Variants in ZNF670 observed in about 807,000 individuals in gnomAD.
ZNF670 encodes zinc finger protein 670.
ZNF670 carries 7 observed loss-of-function variants against 10.9 expected under a neutral mutation model. The observed-to-expected ratio is 0.64, with a 90% confidence interval of 0.36 to 1.20. The LOEUF is 1.20. Ranked by LOEUF, ZNF670 falls within the 50% of genes most tolerant of loss-of-function variation. The pLI is 0.02. For missense variants in ZNF670, 446 were observed against 458.6 expected (o/e 0.97, Z 0.25); for synonymous variants, 136 against 152.7 (o/e 0.89, Z 0.81).
Position 247,064,077 on chromosome 1 carries a change from G to A in ZNF670, c.3+14517C>T, listed in dbSNP as rs553521099. ...GCCTGGTTCCAATCAGCCCCTCCCC[G>A]TGTTAGGATCCCCATCCTGCACACT... On this transcript the variant is annotated intron_variant, in intron 1 of 3. Transcript: ENST00000366503. Among the ~76,000 whole-genome samples the A allele has an allele frequency of 1.1e-3, 165 of 152,218 alleles. 1 individual carries two copies. Among genetic ancestry groups the A allele is most frequent in the African/African-American group, 3.8e-3 (159 of 41,544 alleles).
chr1:247,072,378 C>T (rs1338105735), intron 1 of ZNF670, among the ~76,000 whole-genome samples: 5 of 149,310 alleles, frequency 3.3e-5, no homozygotes, highest in Admixed American at 6.7e-5. Flanking sequence ...TGGTCTCAAA[C>T]TTCTGAACTC....
At position 247,078,725 on chromosome 1, in the gene ZNF670, C is replaced by T. The variant is rs547380238; in HGVS notation, c.-129G>A. ...AAGGGGAAGGAGCAGCGGAGACGCACCGAGCTCGCCACATTCGCGCTGCCC... is the reference window on the plus strand; with the variant it reads ...AAGGGGAAGGAGCAGCGGAGACGCATCGAGCTCGCCACATTCGCGCTGCCC... On this transcript the variant is annotated 5_prime_UTR_variant, in exon 1 of 4. It adds an upstream start codon to the 5' untranslated region. Coordinates refer to ENST00000366503, the MANE Select transcript of ZNF670 (RefSeq NM_033213.5). 4.5e-4 allele frequency: 462 copies of T among 1,017,846 alleles called. 3 individuals carry two copies. The Middle Eastern group carries it at 0.02, about 43-fold the overall frequency. The allele number at this position is 1,017,846 out of a possible 1,614,324, so 63.1% of individuals were successfully genotyped here.
intron 1 of ZNF670, among the ~76,000 whole-genome samples, chr1:247,057,241 T>C (rs1373404397): frequency 6.6e-6 from 1 of 152,112 alleles, no homozygotes; most frequent in Non-Finnish European, 1.5e-5. Flanking sequence ...TAAACAGGTA[T>C]ATGAAAAGAT....
chr1:247,071,842 A>C (rs1671121792), intron 1 of ZNF670, among the ~76,000 whole-genome samples: 2 of 151,010 alleles, frequency 1.3e-5, no homozygotes, highest in African/African-American at 4.9e-5. Flanking sequence ...ATTTCCTTTC[A>C]CAGTTTTATT....
At chr1:247,061,243 G>A (rs374963085) in intron 1 of ZNF670, among the ~76,000 whole-genome samples, 15 of 150,562 alleles carry the variant, frequency 1.0e-4, no homozygotes, top group South Asian at 4.2e-4. Flanking sequence ...GTGCAGAGGC[G>A]CGATCTTGGC....
At chr1:247,058,921 A>T (rs940262109) in intron 1 of ZNF670, among the ~76,000 whole-genome samples, 11 of 152,174 alleles carry the variant, frequency 7.2e-5, no homozygotes, top group African/African-American at 2.7e-4. Flanking sequence ...CTGAAGACCC[A>T]GATGATCACA....
At chr1:247,042,457 C>G (rs1206964714) in intron 1 of ZNF670, among the ~76,000 whole-genome samples, 3 of 152,126 alleles carry the variant, frequency 2.0e-5, no homozygotes, top group Non-Finnish European at 2.9e-5. Flanking sequence ...TTAGGTCAGG[C>G]CTTTCAAGGT....
intron 1 of ZNF670, among the ~76,000 whole-genome samples, chr1:247,053,981 A>G (rs188741720): frequency 6.6e-6 from 1 of 152,350 alleles, no homozygotes; most frequent in African/African-American, 2.4e-5. Context: ...CCCTTCCTCC[A>G]TTACCTGGCA....
At chr1:247,043,079 G>A in intron 1 of ZNF670, 3 of 1,122,384 alleles carry the variant, frequency 2.7e-6, no homozygotes, top group South Asian at 1.2e-5. Flanking sequence ...GTGAGGCTGG[G>A]AGCTTTCCAG....
chr1:247,049,098 C>CTTTTTTT (rs772486522), intron 1 of ZNF670, among the ~76,000 whole-genome samples: 1 of 124,548 alleles, frequency 8.0e-6, no homozygotes, highest in African/African-American at 3.2e-5. Context: ...TGTTTCATTT[C>CTTTTTTT]TTTTTTTTTT....
chr1:247,063,173 T>C (rs1336029368), intron 1 of ZNF670, among the ~76,000 whole-genome samples: 1 of 152,204 alleles, frequency 6.6e-6, no homozygotes, highest in Non-Finnish European at 1.5e-5. Context: ...CCATTACTCA[T>C]TGAAACAAAT....
chr1:247,046,466 G>C (rs959620172), intron 1 of ZNF670, among the ~76,000 whole-genome samples: 7 of 152,198 alleles, frequency 4.6e-5, no homozygotes, highest in Admixed American at 2.0e-4. Flanking sequence ...TTGGGCCACG[G>C]TTCCAGAGGG....
At chr1:247,043,411 T>A in intron 1 of ZNF670, 1 of 560,948 alleles carries the variant, frequency 1.8e-6, no homozygotes, top group East Asian at 4.8e-5. Context: ...ACTGAAAAAA[T>A]TCACCCTTTT....
rs1670117450 is a variant in ZNF670, at chr1:247,035,121, A to C, written c.*2328T>G. On this transcript the variant is annotated 3_prime_UTR_variant, in exon 4 of 4. Coordinates refer to ENST00000366503, the MANE Select transcript of ZNF670 (RefSeq NM_033213.5). The stretch of plus-strand genomic sequence containing the variant: ...CTTCTGTTATATTATGGAACCAGTT[A>C]GACAAAAGCAGGTAGTTAAAGCTGA... Among the ~76,000 whole-genome samples the C allele has an allele frequency of 6.6e-6, 1 of 152,250 alleles. No homozygotes were observed. Among genetic ancestry groups the C allele is most frequent in the Non-Finnish European group, 1.5e-5 (1 of 68,040 alleles).
chr1:247,074,215 G>T (rs912295169), intron 1 of ZNF670, among the ~76,000 whole-genome samples: 2 of 151,980 alleles, frequency 1.3e-5, no homozygotes, highest in Admixed American at 1.3e-4. Flanking sequence ...GTCTTCAGTG[G>T]TCAGAACAAA....
At chr1:247,039,841 T>C (rs988219745) in intron 1 of ZNF670, among the ~76,000 whole-genome samples, 1 of 151,700 alleles carries the variant, frequency 6.6e-6, no homozygotes. Flanking sequence ...AGATTTTATC[T>C]TAAGGGCCTC....
intron 1 of ZNF670, among the ~76,000 whole-genome samples, chr1:247,075,288 A>AC (rs1671226356): frequency 1.3e-5 from 2 of 152,362 alleles, no homozygotes; most frequent in African/African-American, 4.8e-5. Flanking sequence ...AGGGTTATCC[A>AC]CTGTTATAAA....
In ZNF670 at chr1:247,037,857, T is replaced by C. The variant is rs761453478; in HGVS notation, c.762A>G (p.Glu254=). ...TGAAGGCTTTGCCACATTCCTTACATTCATAGGGTTTCTCTCCAGTATGAG... is the reference window on the plus strand; with the variant it reads ...TGAAGGCTTTGCCACATTCCTTACACTCATAGGGTTTCTCTCCAGTATGAG... ...ERSHTGEKPY[E]CKECGKAFSR... Residue 254 remains glutamate (E), a synonymous_variant, in exon 4 of 4, where the codon GAA becomes GAG. Transcript: ENST00000366503. 5.0e-6 allele frequency: 8 copies of C among 1,613,566 alleles called. No homozygotes were observed. In the Middle Eastern group the frequency reaches 4.9e-4, roughly 100 times the overall value.
At chr1:247,061,208 G>C (rs1189676402) in intron 1 of ZNF670, among the ~76,000 whole-genome samples, 3 of 148,660 alleles carry the variant, frequency 2.0e-5, no homozygotes, top group Non-Finnish European at 4.4e-5. Flanking sequence ...TTGAGATGGA[G>C]TCTCGCTCTG....
Sources: allele counts gnomAD v4.1 joint callset (sites outside exome capture counted in the v4.1 genomes callset), GRCh38; gene constraint gnomAD v4.1.1; transcripts MANE v1.5; gene names NCBI Gene and HGNC (gene_info 2026-07-23, HGNC 2026-07-21).